The following GPR137C variants were observed in gnomAD, a reference collection of about 807,000 sequenced individuals.
GPR137C encodes G protein-coupled receptor 137C, also known as integral membrane protein GPR137C.
Under a neutral mutation model 43.4 loss-of-function variants are expected in GPR137C, and 27 were observed. That is an observed-to-expected ratio of 0.62 (90% CI 0.46 to 0.86). GPR137C has a LOEUF of 0.86. GPR137C is among the 40% of genes least tolerant of loss of function. The pLI is 0.00. For missense variants in GPR137C, 522 were observed against 534.6 expected, an observed-to-expected ratio of 0.98 and a Z score of 0.23; for synonymous variants, 285 against 226.9, an observed-to-expected ratio of 1.26 and a Z score of -2.30.
At position 52,605,798 on chromosome 14, in the gene GPR137C, G is replaced by A. The variant is rs924353181; in HGVS notation, c.717+5457G>A. Among the ~76,000 whole-genome samples the A allele has an allele frequency of 7.2e-5, 11 of 152,138 alleles. No homozygotes were observed. In the East Asian group the frequency reaches 2.1e-3, roughly 29 times the overall value. Reference sequence around the variant, plus strand: ...ATGCTTTTTAAGCATCTATTGAAATGAACATGTGGTTTTTGTTCTTCATTC... The same window carrying A: ...ATGCTTTTTAAGCATCTATTGAAATAAACATGTGGTTTTTGTTCTTCATTC... On this transcript the variant is annotated intron_variant, in intron 3 of 6. Transcript: ENST00000321662.
chr14:52,599,734 T>C (rs1428821749), intron 2 of GPR137C, among the ~76,000 whole-genome samples: 1 of 152,212 alleles, frequency 6.6e-6, no homozygotes, highest in East Asian at 1.9e-4. Context: ...ATGCCTGGCC[T>C]AACTCTTAAA....
rs2039367358 is a variant in GPR137C, at chr14:52,637,584, T to C, written c.*2469T>C. 6.6e-6 allele frequency: 1 copy of C among 152,184 alleles called. No individual in the cohort carries two copies. Among genetic ancestry groups the C allele is most frequent in the African/African-American group, 2.4e-5 (1 of 41,454 alleles). 9.4% of individuals were successfully genotyped at this position (152,184 alleles called of 1,614,324 possible). A position where few individuals can be genotyped will look rare whatever the true frequency, so the allele number is the denominator to read the frequency against. On this transcript the variant is annotated 3_prime_UTR_variant, in exon 7 of 7. Transcript: ENST00000321662. ...CTGCCTTTTTTATTGTTTAACAGTG[T>C]TTCTCAGCTATATAATCAGTTTCAA...
chr14:52,570,904 C>A (rs896615746), intron 1 of GPR137C, among the ~76,000 whole-genome samples: 3 of 152,084 alleles, frequency 2.0e-5, no homozygotes, highest in African/African-American at 4.8e-5. Flanking sequence ...ACTTTAACAC[C>A]CCACTGTCCA....
At chr14:52,587,035 C>T (rs1183609831) in intron 1 of GPR137C, among the ~76,000 whole-genome samples, 1 of 152,286 alleles carries the variant, frequency 6.6e-6, no homozygotes, top group Admixed American at 6.5e-5. Context: ...ACAAAGCCTC[C>T]ATGATTTGAT....
At chr14:52,572,593 C>G (rs187620218) in intron 1 of GPR137C, among the ~76,000 whole-genome samples, 1 of 152,154 alleles carries the variant, frequency 6.6e-6, no homozygotes, top group South Asian at 2.1e-4. Flanking sequence ...TGTTGGAATA[C>G]TTCTCAAAAC....
Position 52,553,302 on chromosome 14 carries a change from T to C in GPR137C, c.155T>C (p.Leu52Pro), listed in dbSNP as rs758173068. The C allele has an allele frequency of 2.6e-6, 4 of 1,557,374 alleles. No individual in the cohort carries two copies. The highest frequency in any genetic ancestry group is 3.5e-6 in the Non-Finnish European group (4 of 1,157,920). ...TCCGTGCAGTTGGCGCTGAGCGTCC[T>C]GCACGCCCTGCTCTACGCCGCGCTG... is the stretch of plus-strand genomic sequence containing the variant. ...PGSVQLALSV[L>P]HALLYAALFA... The change falls in exon 1 of 7, where the codon CTG becomes CCG. Residue 52 changes from leucine to proline, a missense_variant. This residue lies in a region of GPR137C where 437 missense variants were observed against 425.7 expected (regional missense o/e 1.03). Coordinates refer to ENST00000321662, the MANE Select transcript of GPR137C (RefSeq NM_001099652.2).
In GPR137C at chr14:52,597,414, T is replaced by C. The variant is rs2038869659; in HGVS notation, c.445-858T>C. 2.0e-5 allele frequency among the ~76,000 whole-genome samples: 3 copies of C among 152,222 alleles called. No individual in the cohort carries two copies. In the South Asian group the frequency reaches 6.2e-4, roughly 32 times the overall value. On this transcript the variant is annotated intron_variant, in intron 1 of 6. Coordinates refer to ENST00000321662, the MANE Select transcript of GPR137C (RefSeq NM_001099652.2). ...TTTAAATGAAATCAGTGAGTTACCATGTACCTTCACTATTTTTCTTCATAA... is the reference window on the plus strand; with the variant it reads ...TTTAAATGAAATCAGTGAGTTACCACGTACCTTCACTATTTTTCTTCATAA...
At chr14:52,611,988 A>T in intron 3 of GPR137C, 1 of 985,230 alleles carries the variant, frequency 1.0e-6, no homozygotes. Context: ...TCCTTTCATT[A>T]CCCATTTGGC....
Position 52,635,160 on chromosome 14 carries a change from G to T in GPR137C, c.*45G>T. The T allele has an allele frequency of 7.0e-7, 1 of 1,427,282 alleles. No homozygotes were observed. The allele number at this position is 1,427,282 out of a possible 1,614,324, so 88.4% of individuals were successfully genotyped here. A position where few individuals can be genotyped will look rare whatever the true frequency, so the allele number is the denominator to read the frequency against. ...TTCTTGAGTTGTTTTTCATAAATGT[G>T]TATATTCAATGTGTTTAAATTCCAT... is the stretch of plus-strand genomic sequence containing the variant. On this transcript the variant is annotated 3_prime_UTR_variant, in exon 7 of 7. Transcript: ENST00000321662.
rs1455934100 is a variant in GPR137C, at chr14:52,636,770, T to C, written c.*1655T>C. 6.6e-6 allele frequency: 1 copy of C among 152,142 alleles called. No homozygotes were observed. Among genetic ancestry groups the C allele is most frequent in the Non-Finnish European group, 1.5e-5 (1 of 67,994 alleles). The allele number at this position is 152,142 out of a possible 1,614,324, so 9.4% of individuals were successfully genotyped here. ...ATCAGAAGCATATACTTATGTTATTTTGGGTTTGTTTATAATTCTCTCATT... is the reference window on the plus strand; with the variant it reads ...ATCAGAAGCATATACTTATGTTATTCTGGGTTTGTTTATAATTCTCTCATT... On this transcript the variant is annotated 3_prime_UTR_variant, in exon 7 of 7. Transcript: ENST00000321662.
At chr14:52,553,673 G>A in intron 1 of GPR137C, 82 bp downstream of exon 1, 1 of 676,620 alleles carries the variant, frequency 1.5e-6, no homozygotes, top group Non-Finnish European at 2.4e-6. Context: ...ACCAGCGGGG[G>A]CGGGGGGTGG....
At chr14:52,623,403 C>T (rs183241764) in intron 3 of GPR137C, among the ~76,000 whole-genome samples, 58 of 152,170 alleles carry the variant, frequency 3.8e-4, no homozygotes, top group Admixed American at 2.2e-3. Flanking sequence ...TTGGCCAATG[C>T]GATATAATAA....
intron 3 of GPR137C, among the ~76,000 whole-genome samples, chr14:52,602,776 A>G (rs1228999079): frequency 6.6e-6 from 1 of 152,102 alleles, no homozygotes; most frequent in Non-Finnish European, 1.5e-5. Flanking sequence ...GGCACTTATC[A>G]GTTTATACAA....
intron 1 of GPR137C, among the ~76,000 whole-genome samples, chr14:52,591,016 G>A (rs1322623775): frequency 1.8e-5 from 2 of 112,280 alleles, no homozygotes; most frequent in African/African-American, 6.8e-5. Flanking sequence ...AGTGTGTGAT[G>A]TTCCCCACCC....
chr14:52,560,312 T>C (rs755108663), intron 1 of GPR137C, among the ~76,000 whole-genome samples: 4 of 152,218 alleles, frequency 2.6e-5, no homozygotes, highest in Non-Finnish European at 4.4e-5. Context: ...GAAAAGCTCA[T>C]TGCTTTTAAG....
intron 1 of GPR137C, among the ~76,000 whole-genome samples, chr14:52,564,274 C>CAAAAAA (rs34302766): frequency 8.6e-5 from 8 of 93,208 alleles, no homozygotes; most frequent in African/African-American, 3.2e-4. Context: ...GACTTCGTCT[C>CAAAAAA]AAAAAAAAAA....
chr14:52,553,438 C>CA lies in GPR137C; in HGVS notation c.292dup (p.Thr98AsnfsTer55). 1 of 1,609,144 alleles carries CA rather than the reference C, an allele frequency of 6.2e-7. No homozygotes were observed. The highest frequency in any genetic ancestry group is 8.5e-7 in the Non-Finnish European group (1 of 1,179,792). ...GTCTCCTGTGGGCAGCGCTCAGGACCACCCTCTTCTCCGCCGCCTTCTCGC... is the reference window on the plus strand; with the variant it reads ...GTCTCCTGTGGGCAGCGCTCAGGACCAACCCTCTTCTCCGCCGCCTTCTCGC... On this transcript the variant is annotated frameshift_variant, in exon 1 of 7. Transcript: ENST00000321662. LOFTEE classifies it high-confidence loss of function.
chr14:52,613,760 A>T, intron 3 of GPR137C: 1 of 203,236 alleles, frequency 4.9e-6, no homozygotes, highest in Non-Finnish European at 1.0e-5. Flanking sequence ...GTTGATGGAC[A>T]CTTAGGTTGC....
intron 3 of GPR137C, among the ~76,000 whole-genome samples, chr14:52,600,554 T>G (rs2038912065): frequency 6.6e-6 from 1 of 152,176 alleles, no homozygotes; most frequent in Non-Finnish European, 1.5e-5. Context: ...TGGGCTCAAG[T>G]GATCCTCTGC....
Sources: allele counts gnomAD v4.1 joint callset (sites outside exome capture counted in the v4.1 genomes callset), GRCh38; gene constraint gnomAD v4.1.1; regional missense constraint gnomAD v4.1.1; transcripts MANE v1.5; gene names NCBI Gene and HGNC (gene_info 2026-07-23, HGNC 2026-07-21).